The following TMEM114 variants were observed in gnomAD, a reference collection of about 807,000 sequenced individuals.
TMEM114 encodes transmembrane protein 114, also known as claudin-26.
A neutral mutation model predicts 6.2 loss-of-function variants in TMEM114; 6 were observed. The ratio of observed to expected loss-of-function variants is 0.97; its 90% confidence interval spans 0.53 to 1.91. The LOEUF (loss-of-function observed/expected upper bound fraction) is 1.91. Ranked by LOEUF, TMEM114 falls within the 40% of genes most tolerant of loss-of-function variation. TMEM114 has a pLI of 0.01. For synonymous variants in TMEM114, 104 were observed against 73.0 expected (o/e 1.42, Z -2.16); for missense variants, 218 against 158.3 (o/e 1.38, Z -2.02).
chr16:8,585,132 C>T (rs1902280785), intron 2 of TMEM114, among the ~76,000 whole-genome samples: 1 of 152,016 alleles, frequency 6.6e-6, no homozygotes, highest in South Asian at 2.1e-4. Flanking sequence ...GCAGGGGAAC[C>T]CCCTTTATAA....
intron 2 of TMEM114, among the ~76,000 whole-genome samples, chr16:8,549,268 G>A (rs1421688774): frequency 6.6e-6 from 1 of 151,148 alleles, no homozygotes; most frequent in East Asian, 1.9e-4. Flanking sequence ...GGGAGGCCAA[G>A]GTGGGTGGAT....
At chr16:8,575,228 T>C (rs1436062907) in intron 2 of TMEM114, among the ~76,000 whole-genome samples, 3 of 152,206 alleles carry the variant, frequency 2.0e-5, no homozygotes, top group African/African-American at 7.2e-5. Flanking sequence ...CTGAGCCTCA[T>C]TGGCAAAATA....
chr16:8,550,873 A>G (rs973102178), intron 2 of TMEM114, among the ~76,000 whole-genome samples: 11 of 152,256 alleles, frequency 7.2e-5, no homozygotes, highest in Middle Eastern at 3.4e-3. Flanking sequence ...AGGATAGAAC[A>G]TCCACTGCTC....
At chr16:8,580,594 C>G (rs202213588) in intron 2 of TMEM114, among the ~76,000 whole-genome samples, 2 of 151,922 alleles carry the variant, frequency 1.3e-5, no homozygotes, top group East Asian at 3.9e-4. Flanking sequence ...CTGTAAATGA[C>G]TCAGTGTGCA....
chr16:8,559,674 A>G (rs563021043), intron 2 of TMEM114, among the ~76,000 whole-genome samples: 2 of 152,226 alleles, frequency 1.3e-5, no homozygotes, highest in Non-Finnish European at 2.9e-5. Flanking sequence ...ATAGAAATGA[A>G]TGTGGGACAG....
chr16:8,535,790 T>C (rs1224900296), downstream of TMEM114, among the ~76,000 whole-genome samples: 2 of 152,216 alleles, frequency 1.3e-5, no homozygotes, highest in East Asian at 1.9e-4. Flanking sequence ...CCCTGCCATG[T>C]TTCATGTGCT....
At chr16:8,531,709 A>G in the TMEM114 span, among the ~76,000 whole-genome samples, 2 of 152,264 alleles carry the variant, frequency 1.3e-5, no homozygotes. Context: ...TAACAATTGA[A>G]TAATTCATGG....
chr16:8,548,004 G>A (rs778602913), intron 2 of TMEM114, among the ~76,000 whole-genome samples: 2 of 152,168 alleles, frequency 1.3e-5, no homozygotes, highest in Non-Finnish European at 2.9e-5. Context: ...TCAGGAACAA[G>A]ACTCTGGCCA....
chr16:8,579,252 C>T (rs974283303), intron 2 of TMEM114, among the ~76,000 whole-genome samples: 1 of 152,176 alleles, frequency 6.6e-6, no homozygotes, highest in Non-Finnish European at 1.5e-5. Context: ...GGTCAATGCT[C>T]TTACGCAGAG....
intron 2 of TMEM114, among the ~76,000 whole-genome samples, chr16:8,551,130 T>C (rs1055890648): frequency 2.0e-5 from 3 of 152,156 alleles, no homozygotes; most frequent in Non-Finnish European, 2.9e-5. Flanking sequence ...CTGGAGGATT[T>C]TTTTCTCCAA....
intron 2 of TMEM114, among the ~76,000 whole-genome samples, chr16:8,581,959 A>G (rs998354622): frequency 6.6e-6 from 1 of 152,202 alleles, no homozygotes; most frequent in Non-Finnish European, 1.5e-5. Flanking sequence ...GGGCTCAGGC[A>G]GCCTCTTCAA....
At chr16:8,541,419 A>T (rs1900513031) in intron 2 of TMEM114, among the ~76,000 whole-genome samples, 2 of 147,564 alleles carry the variant, frequency 1.4e-5, no homozygotes, top group African/African-American at 2.7e-5. Context: ...ATCTCAGGAT[A>T]AAAAAAAATG....
At chr16:8,540,907 G>A (rs564874556) in intron 2 of TMEM114, among the ~76,000 whole-genome samples, 2 of 152,322 alleles carry the variant, frequency 1.3e-5, no homozygotes, top group South Asian at 4.1e-4. Flanking sequence ...TAAAGTTTGA[G>A]CTGAGATGGA....
At chr16:8,587,983 A>G (rs1902366973) in intron 2 of TMEM114, among the ~76,000 whole-genome samples, 2 of 151,854 alleles carry the variant, frequency 1.3e-5, no homozygotes, top group South Asian at 4.2e-4. Context: ...TATGTTTCCT[A>G]TCACTATTAA....
the TMEM114 span, among the ~76,000 whole-genome samples, chr16:8,528,812 G>C: frequency 1.3e-5 from 2 of 152,168 alleles, no homozygotes; most frequent in African/African-American, 2.4e-5. Context: ...CACTGAGCAC[G>C]CGCTCTGTGT....
chr16:8,550,716 GCAAA>G (rs939932879), intron 2 of TMEM114, among the ~76,000 whole-genome samples: 1 of 146,226 alleles, frequency 6.8e-6, no homozygotes, highest in Non-Finnish European at 1.5e-5. Flanking sequence ...AAAAAAGCAA[GCAAA>G]CAAACAAACA....
At chr16:8,552,461 A>G (rs1900875847) in intron 2 of TMEM114, among the ~76,000 whole-genome samples, 2 of 151,906 alleles carry the variant, frequency 1.3e-5, no homozygotes, top group African/African-American at 4.8e-5. Context: ...CTGCTTCATG[A>G]TTGTGCTGTG....
At chr16:8,550,799 A>G (rs1218480674) in intron 2 of TMEM114, among the ~76,000 whole-genome samples, 1 of 151,714 alleles carries the variant, frequency 6.6e-6, no homozygotes, top group Non-Finnish European at 1.5e-5. Flanking sequence ...CCATATCCAC[A>G]CATGCTTGTG....
chr16:8,568,025 C>T (rs1901603184), downstream of TMEM114, among the ~76,000 whole-genome samples: 1 of 152,192 alleles, frequency 6.6e-6, no homozygotes, highest in South Asian at 2.1e-4. Flanking sequence ...TAAAGAAGTG[C>T]AGGCGTTGGT....
Sources: allele counts gnomAD v4.1 joint callset (sites outside exome capture counted in the v4.1 genomes callset), GRCh38; gene constraint gnomAD v4.1.1; transcripts MANE v1.5; gene names NCBI Gene and HGNC (gene_info 2026-07-23, HGNC 2026-07-21).